DCHS2: variants seen among roughly 807,000 people sequenced by gnomAD.
DCHS2 encodes protocadherin-23.
Under a neutral mutation model 182.4 loss-of-function variants are expected in DCHS2, and 142 were observed. The ratio of observed to expected loss-of-function variants is 0.78; its 90% CI spans 0.68 to 0.89. The LOEUF is 0.89. Ranked by LOEUF, DCHS2 falls within the 40% of genes least tolerant of loss-of-function variation. The probability of loss-of-function intolerance (pLI) is 0.00; values close to 1 mark genes in which losing one functional copy is unlikely to be tolerated. For synonymous variants in DCHS2, 1,740 were observed against 1,663.3 expected, an observed-to-expected ratio of 1.05 and a Z score of -1.12; for missense variants, 4,319 against 4,198.6, an observed-to-expected ratio of 1.03 and a Z score of -0.79.
At chr4:154,323,167 G>A (rs1043204823) in intron 7 of DCHS2, 4 of 1,537,076 alleles carry the variant, frequency 2.6e-6, no homozygotes, top group South Asian at 1.2e-5. Context: ...TCTCCAACGT[G>A]TAGCATAATA....
intron 3 of DCHS2, among the ~76,000 whole-genome samples, chr4:154,362,782 G>A (rs1004710256): frequency 6.6e-6 from 1 of 152,108 alleles, no homozygotes; most frequent in African/African-American, 2.4e-5. Context: ...TGAAGATGAT[G>A]AGGATGAAGA....
intron 3 of DCHS2, among the ~76,000 whole-genome samples, chr4:154,353,149 C>T (rs935161909): frequency 2.0e-5 from 3 of 151,926 alleles, no homozygotes; most frequent in African/African-American, 7.3e-5. Context: ...AATTTCAAGC[C>T]AAGAAGTTAG....
At chr4:154,388,494 ATT>A (rs35945131) in intron 1 of DCHS2, among the ~76,000 whole-genome samples, 6 of 130,666 alleles carry the variant, frequency 4.6e-5, no homozygotes, top group Non-Finnish European at 1.6e-5. Context: ...AATAGATGTA[ATT>A]TTTTTTTTTT....
At chr4:154,350,187 G>A (rs1729542238) in intron 3 of DCHS2, among the ~76,000 whole-genome samples, 1 of 152,162 alleles carries the variant, frequency 6.6e-6, no homozygotes, top group South Asian at 2.1e-4. Flanking sequence ...ATGAGCACAT[G>A]GTGACTGTTC....
intron 7 of DCHS2, among the ~76,000 whole-genome samples, chr4:154,324,026 A>G (rs1325023070): frequency 2.0e-5 from 3 of 152,254 alleles, no homozygotes; most frequent in African/African-American, 7.2e-5. Flanking sequence ...GTTCATTATA[A>G]GAAAGGCAGG....
chr4:154,388,826 G>A (rs1731539970), intron 1 of DCHS2, among the ~76,000 whole-genome samples: 1 of 152,048 alleles, frequency 6.6e-6, no homozygotes, highest in Non-Finnish European at 1.5e-5. Flanking sequence ...ACATTATTAT[G>A]AAAAAGAAGA....
rs199863466 is a variant in DCHS2, at chr4:154,267,430, AT to A, written c.6577+2469del. The stretch of plus-strand genomic sequence containing the variant: ...AATTCCAACCTTTCCTCATCCAAGT[AT>A]TTTTTTTTTTAACTTCTGGAATGAA... On this transcript the variant is annotated intron_variant, in intron 14 of 19. Coordinates refer to ENST00000357232, the MANE Select transcript of DCHS2 (RefSeq NM_001358235.2). Among the ~76,000 whole-genome samples, 698 of 147,782 alleles carry A rather than the reference AT, an allele frequency of 4.7e-3. 11 individuals carry two copies. The East Asian group carries it at 0.057, about 12-fold the overall frequency.
intron 12 of DCHS2, among the ~76,000 whole-genome samples, chr4:154,303,484 C>CAAAAAAAAAAA (rs35984605): frequency 1.2e-5 from 1 of 84,416 alleles, no homozygotes; most frequent in Admixed American, 1.2e-4. Flanking sequence ...GTAAGTGAAG[C>CAAAAAAAAAAA]AAAAAAAAAA....
intron 7 of DCHS2, 52 bp from the exon 8 acceptor site, chr4:154,322,540 CAG>C: frequency 6.5e-7 from 1 of 1,532,474 alleles, no homozygotes; most frequent in Non-Finnish European, 8.8e-7. Flanking sequence ...ATGCAGAAAA[CAG>C]AAAATCAATT....
At chr4:154,353,882 C>T (rs1578999984) in intron 3 of DCHS2, among the ~76,000 whole-genome samples, 1 of 152,156 alleles carries the variant, frequency 6.6e-6, no homozygotes. Context: ...TAACAAGCTC[C>T]ACCAGTAATT....
intron 1 of DCHS2, among the ~76,000 whole-genome samples, chr4:154,389,412 T>C (rs1731567723): frequency 6.6e-6 from 1 of 150,702 alleles, no homozygotes; most frequent in Admixed American, 6.6e-5. Context: ...CTCAGTCCAG[T>C]GCATATCAGG....
rs779644338 is a variant in DCHS2 at position 154,235,179 on chromosome 4, G to A, written c.9473C>T (p.Ala3158Val). ...TTCCCCAAATGTTTGGCTGGCTTCTGCTGTTTCGGCAGTCACCATCACATC... is the reference window on the plus strand; with the variant it reads ...TTCCCCAAATGTTTGGCTGGCTTCTACTGTTTCGGCAGTCACCATCACATC... ...ETDVMVTAET[A>V]EASQTFGEGD... Residue 3158 changes from alanine to valine, a missense_variant, in exon 20 of 20, where the codon GCA (alanine) becomes GTA (valine). Transcript: ENST00000357232. 2 of 1,614,048 alleles carry A rather than the reference G, an allele frequency of 1.2e-6. No homozygotes were observed. The highest frequency in any genetic ancestry group is 8.5e-7 in the Non-Finnish European group (1 of 1,179,946).
At chr4:154,301,544 T>C (rs1345158997) in intron 12 of DCHS2, among the ~76,000 whole-genome samples, 1 of 152,152 alleles carries the variant, frequency 6.6e-6, no homozygotes, top group East Asian at 1.9e-4. Context: ...TCGTTCTTGT[T>C]GCCCAGGCTG....
In DCHS2 at chr4:154,235,723, T is replaced by A. The variant is rs61746101; in HGVS notation, c.8929A>T (p.Asn2977Tyr). The change falls in exon 20 of 20, where the codon AAT (asparagine) becomes TAT (tyrosine). Residue 2977 changes from asparagine to tyrosine, a missense_variant. Physicochemically the swap from Asn to Tyr is moderately radical, Grantham distance 143. Coordinates refer to ENST00000357232, the MANE Select transcript of DCHS2 (RefSeq NM_001358235.2). ...SKFASCTVFVNVSFSSEGTPL... is the reference protein window; with the variant it reads ...SKFASCTVFVYVSFSSEGTPL... ...GTTCCTTCAGAGGAGAAAGACACAT[T>A]CACAAAAACAGTGCAAGATGCAAAC... 50 of 1,613,742 alleles carry A rather than the reference T, an allele frequency of 3.1e-5. No individual in the cohort carries two copies. Among genetic ancestry groups the A allele is most frequent in the Non-Finnish European group, 4.2e-5 (50 of 1,179,858 alleles).
chr4:154,454,949 A>G (rs1734703135), intron 1 of DCHS2, among the ~76,000 whole-genome samples: 1 of 152,224 alleles, frequency 6.6e-6, no homozygotes, highest in South Asian at 2.1e-4. Flanking sequence ...CTTTCTAACT[A>G]TTCCTTGTCA....
Position 154,298,023 on chromosome 4 carries a change from T to G in DCHS2, c.6291A>C (p.Gln2097His), listed in dbSNP as rs766755571. ...TAGGGAAGTATTCTGAAGATGGATTTTGCTGAAATTGAATTTCTCCTGTGT... is the reference window on the plus strand; with the variant it reads ...TAGGGAAGTATTCTGAAGATGGATTGTGCTGAAATTGAATTTCTCCTGTGT... The part of the protein sequence containing the change: ...DKYTGEIQFQ[Q>H]NPSSEYFPIW... The change falls in exon 13 of 20, where the codon CAA (glutamine) becomes CAC (histidine). Residue 2097 changes from glutamine to histidine, a missense_variant. Physicochemically the swap from Gln to His is conservative, Grantham distance 24. Transcript: ENST00000357232. The G allele has an allele frequency of 6.2e-7, 1 of 1,614,130 alleles. No homozygotes were observed. Among genetic ancestry groups the G allele is most frequent in the Non-Finnish European group, 8.5e-7 (1 of 1,180,012 alleles).
chr4:154,359,804 TTTGGAAAAG>T (rs777100634), intron 3 of DCHS2, among the ~76,000 whole-genome samples: 3 of 152,040 alleles, frequency 2.0e-5, no homozygotes, highest in Non-Finnish European at 4.4e-5. Context: ...ATGTACCTGT[TTTGGAAAAG>T]TCCACTGAGT....
chr4:154,405,302 T>C (rs2110880343), intron 1 of DCHS2, among the ~76,000 whole-genome samples: 1 of 151,962 alleles, frequency 6.6e-6, no homozygotes, highest in South Asian at 2.1e-4. Flanking sequence ...TTTATCTTTG[T>C]TTGGTTTTTC....
In DCHS2 at chr4:154,379,570, G is replaced by A. The variant is rs1264175343; in HGVS notation, c.2053-2126C>T. On this transcript the variant is annotated intron_variant, in intron 1 of 19. Transcript: ENST00000357232. ...GCCACTCTACTATAGATTTAGTTTT[G>A]GAAAGTAATTCTGGCTGTCTTGCAT... 1.3e-5 allele frequency among the ~76,000 whole-genome samples: 2 copies of A among 152,124 alleles called. 1 individual carries two copies. Among genetic ancestry groups the A allele is most frequent in the Non-Finnish European group, 2.9e-5 (2 of 68,024 alleles).
Sources: gnomAD v4.1 joint callset for allele counts (sites outside exome capture counted in the v4.1 genomes callset) on GRCh38, gnomAD v4.1.1 for gene constraint, MANE v1.5 for transcripts, NCBI Gene and HGNC (gene_info 2026-07-23, HGNC 2026-07-21) for gene names.